MCU: variants seen among roughly 807,000 people sequenced by gnomAD.
MCU encodes calcium uniporter protein, mitochondrial.
Under a neutral mutation model 45.2 loss-of-function variants are expected in MCU, and 12 were observed. The ratio of observed to expected loss-of-function variants is 0.27; its 90% CI spans 0.17 to 0.43. The LOEUF is 0.43. MCU is among the 20% of genes least tolerant of loss of function. The pLI is 1.00. For missense variants in MCU, 324 were observed against 436.7 expected, an observed-to-expected ratio of 0.74 and a Z score of 2.30; for synonymous variants, 160 against 165.1, an observed-to-expected ratio of 0.97 and a Z score of 0.24.
At chr10:72,790,340 A>G (rs1844140181) in intron 1 of MCU, among the ~76,000 whole-genome samples, 1 of 152,240 alleles carries the variant, frequency 6.6e-6, no homozygotes, top group Non-Finnish European at 1.5e-5. Context: ...AGGTAATTCC[A>G]GTGCCTTCCC....
intron 1 of MCU, among the ~76,000 whole-genome samples, chr10:72,820,892 C>T (rs964706454): frequency 6.6e-5 from 10 of 151,156 alleles, no homozygotes; most frequent in Non-Finnish European, 1.5e-4. Context: ...ACTTTCCATA[C>T]GTGTTCCGTT....
chr10:72,703,850 C>G (rs1564533258), intron 1 of MCU, among the ~76,000 whole-genome samples: 1 of 151,980 alleles, frequency 6.6e-6, no homozygotes, highest in Non-Finnish European at 1.5e-5. Context: ...GAGCAGAGAT[C>G]ACTGCATTCC....
At chr10:72,724,531 T>A (rs1843071125) in intron 1 of MCU, among the ~76,000 whole-genome samples, 1 of 152,166 alleles carries the variant, frequency 6.6e-6, no homozygotes, top group Non-Finnish European at 1.5e-5. Context: ...AGTTTGTCAC[T>A]TTTTAACATT....
At chr10:72,784,586 C>T (rs554611672) in intron 1 of MCU, among the ~76,000 whole-genome samples, 1 of 152,120 alleles carries the variant, frequency 6.6e-6, no homozygotes, top group Non-Finnish European at 1.5e-5. Context: ...TCTGGATGTC[C>T]TTGTTTGTCA....
At chr10:72,722,540 G>A (rs1843038434) in intron 1 of MCU, among the ~76,000 whole-genome samples, 1 of 147,926 alleles carries the variant, frequency 6.8e-6, no homozygotes, top group Non-Finnish European at 1.5e-5. Context: ...TTTTTAACAT[G>A]CAACTATTTT....
chr10:72,834,464 T>C (rs1406099745), intron 2 of MCU, 36 bp downstream of exon 2: 1 of 1,558,928 alleles, frequency 6.4e-7, no homozygotes, highest in East Asian at 2.2e-5. Context: ...ATGTCTAATA[T>C]TATTTCCTTC....
At chr10:72,779,501 T>TA (rs908030874) in intron 1 of MCU, among the ~76,000 whole-genome samples, 1 of 152,132 alleles carries the variant, frequency 6.6e-6, no homozygotes, top group Non-Finnish European at 1.5e-5. Flanking sequence ...AACAACCCAC[T>TA]AAATGGGAGA....
intron 1 of MCU, among the ~76,000 whole-genome samples, chr10:72,787,820 G>A (rs1439699531): frequency 6.6e-6 from 1 of 151,712 alleles, no homozygotes; most frequent in East Asian, 1.9e-4. Context: ...TCAGGTTCAA[G>A]CGATTCTCCT....
intron 6 of MCU, among the ~76,000 whole-genome samples, chr10:72,877,196 A>G (rs1480752745): frequency 6.6e-6 from 1 of 152,202 alleles, no homozygotes; most frequent in Admixed American, 6.5e-5. Context: ...CTAGGATTAC[A>G]GGCATGAGCC....
chr10:72,791,856 A>G (rs1428655632), intron 1 of MCU, among the ~76,000 whole-genome samples: 4 of 151,776 alleles, frequency 2.6e-5, no homozygotes, highest in Admixed American at 6.6e-5. Flanking sequence ...AAAAAAAACT[A>G]AAAAGATTTT....
At chr10:72,743,635 C>T (rs1843368501) in intron 1 of MCU, among the ~76,000 whole-genome samples, 6 of 151,842 alleles carry the variant, frequency 4.0e-5, no homozygotes, top group Admixed American at 3.9e-4. Flanking sequence ...GAAGCTTGTG[C>T]AAGTTATGCA....
At chr10:72,806,888 C>T (rs1844461021) in intron 1 of MCU, among the ~76,000 whole-genome samples, 1 of 152,190 alleles carries the variant, frequency 6.6e-6, no homozygotes, top group Admixed American at 6.5e-5. Flanking sequence ...CAGAAGCAAG[C>T]TTGGCCAGTT....
intron 4 of MCU, among the ~76,000 whole-genome samples, chr10:72,868,328 C>T (rs112040041): frequency 0.15 from 23,109 of 152,036 alleles, 2,081 homozygotes; most frequent in Middle Eastern, 0.23. Flanking sequence ...GCAGGCAGAT[C>T]GCTTGAGCCC....
In MCU at chr10:72,692,279, G is replaced by T; in HGVS notation, c.128G>T (p.Arg43Leu). The T allele has an allele frequency of 8.2e-7, 1 of 1,226,558 alleles. No homozygotes were observed. Among genetic ancestry groups the T allele is most frequent in the Non-Finnish European group, 1.0e-6 (1 of 982,624 alleles). The allele number at this position is 1,226,558 out of a possible 1,614,324, so 76.0% of individuals were successfully genotyped here. ...CFPGLGVSRH[R>L]QQQHHRTVHQ... ...CCTGGGCTGGGCGTCAGCCGCCACCGGCAGCAGCAGCACCACCGGACGGTG... is the reference window on the plus strand; with the variant it reads ...CCTGGGCTGGGCGTCAGCCGCCACCTGCAGCAGCAGCACCACCGGACGGTG... Residue 43 changes from arginine to leucine, a missense_variant, in exon 1 of 8, where the codon CGG becomes CTG. Arg to Leu is a moderately radical substitution (Grantham distance 102). Around this residue, in one of 4 missense-constraint regions of MCU, gnomAD observed 111 missense variants for 112.3 expected, o/e 0.99. Coordinates refer to ENST00000373053, the MANE Select transcript of MCU (RefSeq NM_138357.3).
At chr10:72,797,242 A>G (rs1374348482) in intron 1 of MCU, among the ~76,000 whole-genome samples, 2 of 110,198 alleles carry the variant, frequency 1.8e-5, no homozygotes, top group African/African-American at 6.8e-5. Flanking sequence ...TTTTTTTTTT[A>G]AGACGGGATC....
intron 1 of MCU, among the ~76,000 whole-genome samples, chr10:72,821,235 T>C (rs1296147084): frequency 6.6e-6 from 1 of 152,100 alleles, no homozygotes; most frequent in African/African-American, 2.4e-5. Flanking sequence ...TTTTTTTTTT[T>C]TTTAACTAAA....
At chr10:72,865,775 G>GT (rs557281847) in intron 4 of MCU, among the ~76,000 whole-genome samples, 2,034 of 123,582 alleles carry the variant, frequency 0.016, 33 homozygotes, top group African/African-American at 0.044. Flanking sequence ...TTTTTTTTTT[G>GT]TTTTTTTTTT....
intron 6 of MCU, among the ~76,000 whole-genome samples, chr10:72,876,855 C>T (rs1364623742): frequency 6.6e-6 from 1 of 151,834 alleles, no homozygotes; most frequent in African/African-American, 2.4e-5. Flanking sequence ...TAACCTCTCC[C>T]TCTGTGACTT....
At chr10:72,766,524 C>T (rs1564550640) in intron 1 of MCU, 1 of 152,188 alleles carries the variant, frequency 6.6e-6, no homozygotes, top group East Asian at 1.9e-4. Context: ...GCTGCTTGGA[C>T]TACTAGAACC....
Sources: allele counts gnomAD v4.1 joint callset (sites outside exome capture counted in the v4.1 genomes callset), GRCh38; gene constraint gnomAD v4.1.1; regional missense constraint gnomAD v4.1.1; transcripts MANE v1.5; gene names NCBI Gene and HGNC (gene_info 2026-07-23, HGNC 2026-07-21).